Variants in SYT16 observed in about 807,000 individuals in gnomAD.
The protein encoded by SYT16 is synaptotagmin-16.
Under a neutral mutation model 61.4 loss-of-function variants are expected in SYT16, and 42 were observed. The ratio of observed to expected loss-of-function variants is 0.68; its 90% CI spans 0.53 to 0.89. The LOEUF is 0.89. Among genes scored for constraint, SYT16 ranks in the 40% least tolerant of loss-of-function variants. The pLI is 0.00. For synonymous variants in SYT16, 314 were observed against 302.3 expected (o/e 1.04, Z -0.40); for missense variants, 804 against 807.3 (o/e 1.00, Z 0.05).
At chr14:61,985,622 A>G (rs1457506189) in intron 2 of SYT16, among the ~76,000 whole-genome samples, 3 of 152,070 alleles carry the variant, frequency 2.0e-5, no homozygotes, top group Non-Finnish European at 4.4e-5. Flanking sequence ...TCCTTTTAAG[A>G]CTCTGAAAAA....
chr14:61,991,314 T>C (rs1240842359), intron 2 of SYT16, among the ~76,000 whole-genome samples: 2 of 137,868 alleles, frequency 1.5e-5, no homozygotes, highest in African/African-American at 5.5e-5. Context: ...AACTGGACTT[T>C]TTTTCTGTTT....
chr14:61,902,318 A>G (rs1432501297), intron 1 of SYT16, among the ~76,000 whole-genome samples: 1 of 152,156 alleles, frequency 6.6e-6, no homozygotes. Context: ...AAAGACCTTC[A>G]TGTTTGACTT....
At chr14:62,035,659 G>A (rs1487415928) in intron 3 of SYT16, among the ~76,000 whole-genome samples, 1 of 152,128 alleles carries the variant, frequency 6.6e-6, no homozygotes, top group Non-Finnish European at 1.5e-5. Context: ...AAGCTATTTG[G>A]AACTTGAAAG....
chr14:61,828,973 G>A lies in SYT16; in HGVS notation c.-325+16163G>A, dbSNP rs576414871. On this transcript the variant is annotated intron_variant, in intron 1 of 7. Transcript: ENST00000683842. ...ACAAAACACTGATCATAAAGTCTATGGGCTTAGACAGACATTTGAAAAAGA... is the reference window on the plus strand; with the variant it reads ...ACAAAACACTGATCATAAAGTCTATAGGCTTAGACAGACATTTGAAAAAGA... Among the ~76,000 whole-genome samples, 116 of 152,272 alleles carry A rather than the reference G, an allele frequency of 7.6e-4. 4 individuals carry two copies. The South Asian group carries it at 0.023, about 30-fold the overall frequency.
At chr14:61,959,536 G>A (rs977365438) in intron 1 of SYT16, among the ~76,000 whole-genome samples, 1 of 151,838 alleles carries the variant, frequency 6.6e-6, no homozygotes, top group East Asian at 1.9e-4. Context: ...TTCCCCCAAC[G>A]CTTTGTGCAA....
intron 1 of SYT16, among the ~76,000 whole-genome samples, chr14:61,966,876 A>C (rs192129483): frequency 5.3e-4 from 81 of 152,330 alleles, no homozygotes; most frequent in Admixed American, 5.9e-4. Context: ...AATGTGTTGT[A>C]ACATAGAAGA....
At chr14:61,992,586 G>C (rs575460897) in intron 2 of SYT16, among the ~76,000 whole-genome samples, 1 of 152,080 alleles carries the variant, frequency 6.6e-6, no homozygotes, top group African/African-American at 2.4e-5. Context: ...TTTGCAGGAA[G>C]CCTTTAGGAT....
intron 3 of SYT16, among the ~76,000 whole-genome samples, chr14:61,998,858 AT>A (rs1199192911): frequency 6.6e-6 from 1 of 151,892 alleles, no homozygotes; most frequent in Non-Finnish European, 1.5e-5. Context: ...TGAGAGTTTT[AT>A]CAAAAAAAGG....
chr14:62,103,648 C>T lies in SYT16; in HGVS notation c.*2941C>T, dbSNP rs1408332029. 6.6e-6 allele frequency: 1 copy of T among 152,266 alleles called. No homozygotes were observed. The highest frequency in any genetic ancestry group is 1.9e-4 in the East Asian group (1 of 5,192). 9.4% of individuals were successfully genotyped at this position (152,266 alleles called of 1,614,324 possible). A position where few individuals can be genotyped will look rare whatever the true frequency, so the allele number is the denominator to read the frequency against. On this transcript the variant is annotated 3_prime_UTR_variant, in exon 8 of 8. Transcript: ENST00000683842. Reference sequence around the variant, plus strand: ...CACCTGCTCTCCGTTCCCTCTCCTTCACTGGCTCCCAGTGTGATGCACAGT... The same window carrying T: ...CACCTGCTCTCCGTTCCCTCTCCTTTACTGGCTCCCAGTGTGATGCACAGT...
intron 4 of SYT16, among the ~76,000 whole-genome samples, chr14:62,071,402 C>T (rs2056294721): frequency 1.3e-5 from 2 of 152,184 alleles, no homozygotes; most frequent in South Asian, 2.1e-4. Flanking sequence ...CTTATCCTTC[C>T]TGGAACGAGC....
At chr14:61,944,083 C>T (rs1691405118) in intron 1 of SYT16, among the ~76,000 whole-genome samples, 1 of 152,210 alleles carries the variant, frequency 6.6e-6, no homozygotes, top group African/African-American at 2.4e-5. Context: ...TTCCTTTATA[C>T]CAATAATAGA....
At chr14:62,037,928 AT>A (rs1304906506) in intron 3 of SYT16, among the ~76,000 whole-genome samples, 1 of 152,206 alleles carries the variant, frequency 6.6e-6, no homozygotes, top group Non-Finnish European at 1.5e-5. Flanking sequence ...GTAGCCAGGC[AT>A]GGGCAGAGGT....
intron 2 of SYT16, among the ~76,000 whole-genome samples, chr14:61,983,033 A>T (rs946544615): frequency 2.6e-5 from 4 of 152,162 alleles, no homozygotes; most frequent in African/African-American, 9.6e-5. Flanking sequence ...TAAAATCAGA[A>T]TTAGTTGATA....
At position 62,085,488 on chromosome 14, in the gene SYT16, T is replaced by C. The variant is rs148793927; in HGVS notation, c.1624+1103T>C. Among the ~76,000 whole-genome samples, 667 of 152,256 alleles carry C rather than the reference T, an allele frequency of 4.4e-3. 4 individuals carry two copies. The highest frequency in any genetic ancestry group is 7.4e-3 in the Non-Finnish European group (502 of 68,026). On this transcript the variant is annotated intron_variant, in intron 7 of 7. Transcript: ENST00000683842. ...TGAAAGAAGGATGAAATCAGTATATTTGTGGCAGGCTGAAAGAGTCAGTGG... is the reference window on the plus strand; with the variant it reads ...TGAAAGAAGGATGAAATCAGTATATCTGTGGCAGGCTGAAAGAGTCAGTGG...
intron 1 of SYT16, among the ~76,000 whole-genome samples, chr14:61,965,483 T>C (rs1244271365): frequency 6.6e-6 from 1 of 152,148 alleles, no homozygotes; most frequent in Non-Finnish European, 1.5e-5. Flanking sequence ...AGCTTTCTCT[T>C]TCCTTAGCTA....
intron 1 of SYT16, among the ~76,000 whole-genome samples, chr14:61,898,858 C>T (rs1243338969): frequency 1.3e-5 from 2 of 152,066 alleles, no homozygotes; most frequent in Non-Finnish European, 2.9e-5. Context: ...GGATGAGGCC[C>T]GCACAGGATC....
chr14:62,031,912 A>T (rs2054321757), intron 3 of SYT16, among the ~76,000 whole-genome samples: 1 of 152,142 alleles, frequency 6.6e-6, no homozygotes, highest in African/African-American at 2.4e-5. Context: ...CTATACAGAG[A>T]CGATGGACTT....
At chr14:62,021,945 G>A (rs561742537) in intron 3 of SYT16, among the ~76,000 whole-genome samples, 34 of 152,076 alleles carry the variant, frequency 2.2e-4, no homozygotes, top group African/African-American at 7.2e-4. Flanking sequence ...GGAGGCTCCT[G>A]TCTTTTCTTA....
At chr14:61,998,861 A>C (rs2140642136) in intron 3 of SYT16, among the ~76,000 whole-genome samples, 1 of 151,996 alleles carries the variant, frequency 6.6e-6, no homozygotes, top group Middle Eastern at 3.4e-3. Flanking sequence ...GAGTTTTATC[A>C]AAAAAAGGAT....
Sources: allele counts gnomAD v4.1 joint callset (sites outside exome capture counted in the v4.1 genomes callset), GRCh38; gene constraint gnomAD v4.1.1; transcripts MANE v1.5; gene names NCBI Gene and HGNC (gene_info 2026-07-23, HGNC 2026-07-21).